The following SV2C variants were observed in gnomAD, a reference collection of about 807,000 sequenced individuals.
The protein encoded by SV2C is solute carrier family 22 member B3.
SV2C carries 49 observed loss-of-function variants against 79.7 expected under a neutral mutation model. The observed-to-expected ratio is 0.61, with a 90% CI of 0.49 to 0.78. The LOEUF (loss-of-function observed/expected upper bound fraction) is 0.78, where lower values mean the gene tolerates loss of function less well. SV2C is among the 30% of genes least tolerant of loss of function. SV2C has a pLI of 0.00. For missense variants in SV2C, 833 were observed against 912.9 expected (o/e 0.91, Z 1.13); for synonymous variants, 334 against 333.2 (o/e 1.00, Z -0.03).
At chr5:76,294,522 G>A (rs892992567) in intron 8 of SV2C, among the ~76,000 whole-genome samples, 2 of 152,030 alleles carry the variant, frequency 1.3e-5, no homozygotes, top group African/African-American at 4.8e-5. Flanking sequence ...GGCTGGTCTC[G>A]ATCTCCTGAC....
chr5:75,880,320 T>A, the SV2C span, among the ~76,000 whole-genome samples: 3 of 152,132 alleles, frequency 2.0e-5, no homozygotes, highest in East Asian at 1.9e-4. Flanking sequence ...AGGCTGAACA[T>A]TTTCCAAACT....
At position 76,285,745 on chromosome 5, in the gene SV2C, A is replaced by G. The variant is rs1299276784; in HGVS notation, c.1048-36A>G. 6 of 1,574,566 alleles carry G rather than the reference A, an allele frequency of 3.8e-6. No individual in the cohort carries two copies. In the South Asian group the frequency reaches 4.5e-5, roughly 12 times the overall value. ...GAAAATCAGGGAGGGTAAGTGTGTC[A>G]CTCCTAGCGCTTCACTGTCCACTCT... On this transcript the variant is annotated intron_variant, in intron 5 of 12. Transcript: ENST00000502798.
chr5:75,941,860 T>C, the SV2C span, among the ~76,000 whole-genome samples: 3 of 152,172 alleles, frequency 2.0e-5, no homozygotes, highest in African/African-American at 7.2e-5. Flanking sequence ...TTGTAGGTCA[T>C]AAGACCTTCA....
chr5:75,906,213 C>A, the SV2C span, among the ~76,000 whole-genome samples: 1 of 152,076 alleles, frequency 6.6e-6, no homozygotes. Context: ...CCTGCTGACA[C>A]CTTGATTTCA....
chr5:76,120,432 A>G (rs1180394029), intron 1 of SV2C, among the ~76,000 whole-genome samples: 1 of 149,358 alleles, frequency 6.7e-6, no homozygotes, highest in Non-Finnish European at 1.5e-5. Flanking sequence ...TTAGTTACAT[A>G]TGTATACATG....
chr5:76,160,373 A>C (rs1194596325), intron 2 of SV2C, among the ~76,000 whole-genome samples: 1 of 152,242 alleles, frequency 6.6e-6, no homozygotes, highest in East Asian at 1.9e-4. Flanking sequence ...GTACTGGCAC[A>C]AAGTTAGACA....
the SV2C span, among the ~76,000 whole-genome samples, chr5:75,950,104 T>G: frequency 6.6e-6 from 1 of 152,164 alleles, no homozygotes; most frequent in Non-Finnish European, 1.5e-5. Context: ...CAGCTAGAAC[T>G]GAGCCCTGGG....
At chr5:76,114,174 TC>T (rs1204770890) in intron 1 of SV2C, among the ~76,000 whole-genome samples, 3 of 152,104 alleles carry the variant, frequency 2.0e-5, no homozygotes, top group African/African-American at 7.2e-5. Flanking sequence ...GTGGAGATGT[TC>T]AGTAAGTCCC....
chr5:76,025,571 T>A, the SV2C span, among the ~76,000 whole-genome samples: 1 of 152,226 alleles, frequency 6.6e-6, no homozygotes, highest in Non-Finnish European at 1.5e-5. Flanking sequence ...TAAAAGTATA[T>A]GTTTTTGAAA....
intron 1 of SV2C, among the ~76,000 whole-genome samples, chr5:76,122,109 G>A (rs1377596231): frequency 1.3e-5 from 2 of 151,316 alleles, no homozygotes; most frequent in Admixed American, 1.3e-4. Context: ...TGGATTCCTA[G>A]GTAATTTATT....
chr5:75,859,805 C>T, the SV2C span, among the ~76,000 whole-genome samples: 1 of 152,148 alleles, frequency 6.6e-6, no homozygotes, highest in Non-Finnish European at 1.5e-5. Flanking sequence ...TAGACACACG[C>T]CGTTGCTCAC....
In SV2C at chr5:76,232,961, T is replaced by C. The variant is rs1196709161; in HGVS notation, c.913+23074T>C. 8.5e-5 allele frequency among the ~76,000 whole-genome samples: 12 copies of C among 141,352 alleles called. 1 individual carries two copies. Among genetic ancestry groups the C allele is most frequent in the African/African-American group, 3.7e-4 (12 of 32,036 alleles). 92.7% of individuals were successfully genotyped at this position (141,352 alleles called of 152,430 possible). ...CCATATGAACTTTCAAGTAGTTTTT[T>C]CCAATTCTGTGAAGAAAGTCATTGG... On this transcript the variant is annotated intron_variant, in intron 4 of 12. Coordinates refer to ENST00000502798, the MANE Select transcript of SV2C (RefSeq NM_014979.4).
At chr5:76,045,537 A>G in the SV2C span, among the ~76,000 whole-genome samples, 1 of 152,158 alleles carries the variant, frequency 6.6e-6, no homozygotes, top group Admixed American at 6.5e-5. Context: ...AATTCTTCCT[A>G]TCCATGAGCC....
the SV2C span, among the ~76,000 whole-genome samples, chr5:76,051,418 G>A: frequency 6.6e-6 from 1 of 152,062 alleles, no homozygotes; most frequent in African/African-American, 2.4e-5. Context: ...TTCCACTTCT[G>A]TAAATCTATT....
chr5:75,911,431 C>A, the SV2C span: 1 of 1,000,492 alleles, frequency 1.0e-6, no homozygotes, highest in Non-Finnish European at 1.5e-6. Flanking sequence ...GCCTCCTCCA[C>A]CCAGAGCCAC....
chr5:76,272,255 C>G (rs1386007352), intron 4 of SV2C, among the ~76,000 whole-genome samples: 3 of 152,178 alleles, frequency 2.0e-5, no homozygotes, highest in Non-Finnish European at 4.4e-5. Flanking sequence ...AATCTCTCCC[C>G]CTTGCCCCCG....
the SV2C span, among the ~76,000 whole-genome samples, chr5:75,892,396 G>T: frequency 2.0e-5 from 3 of 151,772 alleles, no homozygotes; most frequent in Non-Finnish European, 4.4e-5. Context: ...CATCCTATCT[G>T]CTATGAAATA....
chr5:75,916,277 T>TTCC, the SV2C span, among the ~76,000 whole-genome samples: 1 of 143,892 alleles, frequency 6.9e-6, no homozygotes, highest in East Asian at 2.1e-4. Flanking sequence ...CTTCCTCACC[T>TTCC]TCCTCCTCCT....
chr5:76,335,311 C>T (rs1357813775), downstream of SV2C, among the ~76,000 whole-genome samples: 1 of 152,138 alleles, frequency 6.6e-6, no homozygotes, highest in African/African-American at 2.4e-5. Context: ...TTCTGATACC[C>T]AGCCCATCGC....
Sources: allele counts gnomAD v4.1 joint callset (sites outside exome capture counted in the v4.1 genomes callset), GRCh38; gene constraint gnomAD v4.1.1; transcripts MANE v1.5; gene names NCBI Gene and HGNC (gene_info 2026-07-23, HGNC 2026-07-21).